ST3GAL3: variants seen among roughly 807,000 people sequenced by gnomAD.
ST3GAL3 encodes the protein ST3 beta-galactoside alpha-2,3-sialyltransferase 3.
In ST3GAL3, 21 loss-of-function variants were observed where a neutral mutation model predicts 50.1. The observed-to-expected ratio is 0.42, with a 90% CI of 0.30 to 0.60. ST3GAL3 has a LOEUF of 0.60. ST3GAL3 is among the 20% of genes least tolerant of loss of function. The pLI is 0.19. For synonymous variants in ST3GAL3, 183 were observed against 190.0 expected (o/e 0.96, Z 0.30); for missense variants, 353 against 489.4 (o/e 0.72, Z 2.63).
At chr1:43,765,601 G>A (rs1692259467) in intron 2 of ST3GAL3, among the ~76,000 whole-genome samples, 1 of 152,024 alleles carries the variant, frequency 6.6e-6, no homozygotes, top group Non-Finnish European at 1.5e-5. Flanking sequence ...TTACTTACCT[G>A]GGGACATTTT....
At chr1:43,763,490 T>G (rs1691334303) in intron 2 of ST3GAL3, among the ~76,000 whole-genome samples, 1 of 152,144 alleles carries the variant, frequency 6.6e-6, no homozygotes, top group African/African-American at 2.4e-5. Context: ...AATTTTTAGG[T>G]TATTAAATAG....
In ST3GAL3 at chr1:43,755,960, G is replaced by T. The variant is rs865829683; in HGVS notation, c.118+19580G>T. Among the ~76,000 whole-genome samples the T allele has an allele frequency of 3.3e-5, 5 of 151,896 alleles. No individual in the cohort carries two copies. The Middle Eastern group carries it at 0.01, about 310-fold the overall frequency. On this transcript the variant is annotated intron_variant, in intron 2 of 11. Coordinates refer to ENST00000347631, the MANE Select transcript of ST3GAL3 (RefSeq NM_006279.5). ...AAACTGAAAATAAAAAATTAGCCTGGCATGGTGGTACATGCCTGTTGTCCT... is the reference window on the plus strand; with the variant it reads ...AAACTGAAAATAAAAAATTAGCCTGTCATGGTGGTACATGCCTGTTGTCCT...
chr1:43,926,137 T>C (rs945502460), intron 11 of ST3GAL3, among the ~76,000 whole-genome samples: 1 of 152,078 alleles, frequency 6.6e-6, no homozygotes, highest in Non-Finnish European at 1.5e-5. Flanking sequence ...AGCAGAGAAG[T>C]CCAGGCTGGA....
chr1:43,782,040 G>A (rs888146502), intron 2 of ST3GAL3, among the ~76,000 whole-genome samples: 2 of 152,080 alleles, frequency 1.3e-5, no homozygotes, highest in Non-Finnish European at 2.9e-5. Context: ...GATAACGTGT[G>A]GCTTCCATTC....
At chr1:43,796,641 A>G (rs1462919183) in intron 3 of ST3GAL3, among the ~76,000 whole-genome samples, 2 of 152,186 alleles carry the variant, frequency 1.3e-5, no homozygotes, top group Admixed American at 6.5e-5. Flanking sequence ...AAATATGAAC[A>G]TTCTCCACTG....
chr1:43,782,601 T>C (rs12354267), intron 2 of ST3GAL3, among the ~76,000 whole-genome samples: 42,210 of 152,054 alleles, frequency 0.28, 6,047 homozygotes, highest in Middle Eastern at 0.32. Context: ...TATCAGTCCC[T>C]CTTTTACTTC....
chr1:43,822,799 A>G (rs1298985834), intron 4 of ST3GAL3, among the ~76,000 whole-genome samples: 1 of 151,970 alleles, frequency 6.6e-6, no homozygotes, highest in Non-Finnish European at 1.5e-5. Context: ...TATCAAGCCC[A>G]GTTCTCTTTC....
chr1:43,904,849 GC>G (rs2078930983), intron 9 of ST3GAL3, among the ~76,000 whole-genome samples: 1 of 52,168 alleles, frequency 1.9e-5, no homozygotes, highest in Non-Finnish European at 3.7e-5. Flanking sequence ...TCCTATTCCT[GC>G]CACTCTTCCT....
chr1:43,732,096 A>G (rs528362617), intron 1 of ST3GAL3, among the ~76,000 whole-genome samples: 1 of 152,312 alleles, frequency 6.6e-6, no homozygotes, highest in South Asian at 2.1e-4. Flanking sequence ...GGTTCTAGAC[A>G]CACTTCCCTG....
chr1:43,921,482 C>T (rs1009786574), intron 11 of ST3GAL3: 10 of 402,854 alleles, frequency 2.5e-5, no homozygotes, highest in Non-Finnish European at 3.9e-5. Context: ...TTCTGAACTC[C>T]GCTTGCCACA....
intron 4 of ST3GAL3, among the ~76,000 whole-genome samples, chr1:43,822,795 G>A (rs1344804850): frequency 6.6e-6 from 1 of 151,712 alleles, no homozygotes; most frequent in African/African-American, 2.4e-5. Context: ...TTTATATCAA[G>A]CCCAGTTCTC....
intron 2 of ST3GAL3, among the ~76,000 whole-genome samples, chr1:43,748,423 ATTTT>A (rs1215322512): frequency 9.0e-6 from 1 of 111,140 alleles, no homozygotes; most frequent in Non-Finnish European, 1.8e-5. Flanking sequence ...AACAGCCCCC[ATTTT>A]TTTTTTTTTT....
chr1:43,730,391 T>TAAAAG, intron 1 of ST3GAL3, among the ~76,000 whole-genome samples: 1 of 152,248 alleles, frequency 6.6e-6, no homozygotes, highest in South Asian at 2.1e-4. Context: ...TGCCCCCTTC[T>TAAAAG]AAAAGAAAAG....
chr1:43,798,471 G>A (rs1242182775), intron 3 of ST3GAL3, among the ~76,000 whole-genome samples: 2 of 152,016 alleles, frequency 1.3e-5, no homozygotes, highest in African/African-American at 4.8e-5. Context: ...CTGCCCTCAC[G>A]CTACATTGGC....
chr1:43,868,393 C>A (rs1419199585), intron 5 of ST3GAL3, among the ~76,000 whole-genome samples: 3 of 152,176 alleles, frequency 2.0e-5, no homozygotes, highest in African/African-American at 7.2e-5. Context: ...TTTCTTTGAC[C>A]TGTCTGTGGC....
At chr1:43,833,814 G>C (rs534679206) in intron 4 of ST3GAL3, among the ~76,000 whole-genome samples, 18 of 152,164 alleles carry the variant, frequency 1.2e-4, no homozygotes, top group Non-Finnish European at 1.6e-4. Flanking sequence ...TACCTGAGAA[G>C]GGAAGTATCA....
chr1:43,751,490 T>C (rs1054151506), intron 2 of ST3GAL3, among the ~76,000 whole-genome samples: 1 of 152,236 alleles, frequency 6.6e-6, no homozygotes. Flanking sequence ...AATAATGGCA[T>C]GTCCATTTGA....
intron 2 of ST3GAL3, among the ~76,000 whole-genome samples, chr1:43,740,959 A>C (rs1680668155): frequency 6.6e-6 from 1 of 151,810 alleles, no homozygotes; most frequent in African/African-American, 2.4e-5. Flanking sequence ...GAAGGAAGGA[A>C]AGAAGGAAAG....
At position 43,921,400 on chromosome 1, in the gene ST3GAL3, C is replaced by T. The variant is rs6659334; in HGVS notation, c.1038+472C>T. ...CGTATGTAGGGTACATTACAGGTCT[C>T]CAGCCTGTCAGCCAGCCTTTTCTGG... On this transcript the variant is annotated intron_variant, in intron 11 of 11. Coordinates refer to ENST00000347631, the MANE Select transcript of ST3GAL3 (RefSeq NM_006279.5). 1,531 of 410,242 alleles carry T rather than the reference C, an allele frequency of 3.7e-3. 29 individuals carry two copies. Among genetic ancestry groups the T allele is most frequent in the African/African-American group, 0.03 (1,454 of 49,058 alleles). The allele number at this position is 410,242 out of a possible 1,614,324, so 25.4% of individuals were successfully genotyped here. A position where few individuals can be genotyped will look rare whatever the true frequency, so the allele number is the denominator to read the frequency against.
Sources: gnomAD v4.1 joint callset for allele counts (sites outside exome capture counted in the v4.1 genomes callset) on GRCh38, gnomAD v4.1.1 for gene constraint, MANE v1.5 for transcripts, NCBI Gene and HGNC (gene_info 2026-07-23, HGNC 2026-07-21) for gene names.